Variants in RASSF6 observed in about 807,000 individuals in gnomAD.
RASSF6 encodes ras association domain-containing protein 6.
Under a neutral mutation model 44.0 loss-of-function variants are expected in RASSF6, and 52 were observed. The ratio of observed to expected loss-of-function variants is 1.18; its 90% CI spans 0.95 to 1.49. The LOEUF is 1.49. RASSF6 is among the 40% of genes most tolerant of loss of function. RASSF6 has a pLI of 0.00. For synonymous variants in RASSF6, 162 were observed against 124.6 expected, an observed-to-expected ratio of 1.30 and a Z score of -2.00; for missense variants, 464 against 393.3, an observed-to-expected ratio of 1.18 and a Z score of -1.52.
chr4:73,590,005 A>G (rs1724408956), intron 4 of RASSF6, among the ~76,000 whole-genome samples: 1 of 152,204 alleles, frequency 6.6e-6, no homozygotes, highest in Admixed American at 6.5e-5. Context: ...AAAATATGCA[A>G]AAGCTGAGTT....
intron 1 of RASSF6, 29 bp downstream of exon 1, chr4:73,620,259 A>T: frequency 7.3e-7 from 1 of 1,368,924 alleles, no homozygotes; most frequent in Non-Finnish European, 9.5e-7. Context: ...GTGGATTAGA[A>T]AGTTTTTTTC....
At chr4:73,606,786 G>A (rs1725670417) in intron 2 of RASSF6, among the ~76,000 whole-genome samples, 1 of 152,122 alleles carries the variant, frequency 6.6e-6, no homozygotes, top group South Asian at 2.1e-4. Context: ...TTGAGAATGA[G>A]TAACTTGACT....
At position 73,601,070 on chromosome 4, in the gene RASSF6, T is replaced by G. The variant is rs191225596; in HGVS notation, c.66-2352A>C. On this transcript the variant is annotated intron_variant, in intron 2 of 10. Transcript: ENST00000307439. ...GCAAATGGAGCCTTACATAATCTTATTCCCTCAGCTTCTGCTTCTGATAAA... is the reference window on the plus strand; with the variant it reads ...GCAAATGGAGCCTTACATAATCTTAGTCCCTCAGCTTCTGCTTCTGATAAA... Among the ~76,000 whole-genome samples, 708 of 152,324 alleles carry G rather than the reference T, an allele frequency of 4.6e-3. 1 individual carries two copies. Among genetic ancestry groups the G allele is most frequent in the Non-Finnish European group, 7.5e-3 (513 of 68,018 alleles).
At chr4:73,593,075 G>T (rs1403535508) in intron 4 of RASSF6, among the ~76,000 whole-genome samples, 2 of 150,612 alleles carry the variant, frequency 1.3e-5, no homozygotes, top group African/African-American at 4.9e-5. Context: ...GAGTGCAATG[G>T]CGCAATCTCG....
rs753839339 is a variant in RASSF6 at position 73,576,321 on chromosome 4, G to T, written c.939-11C>A. 3 of 1,518,362 alleles carry T rather than the reference G, an allele frequency of 2.0e-6. No individual in the cohort carries two copies. In the East Asian group the frequency reaches 6.8e-5, roughly 34 times the overall value. The allele number at this position is 1,518,362 out of a possible 1,614,324, so 94.1% of individuals were successfully genotyped here. On this transcript the variant is annotated splice_polypyrimidine_tract_variant and intron_variant, in intron 10 of 10. Coordinates refer to ENST00000307439, the MANE Select transcript of RASSF6 (RefSeq NM_177532.5). ...TTTTCTTTATTGAATCTGAAAATGA[G>T]AAGAAGAAAGACTATTAAAAATTGG... is the stretch of plus-strand genomic sequence containing the variant.
intron 5 of RASSF6, 29 bp from the exon 6 acceptor site, chr4:73,585,393 C>A: frequency 6.9e-7 from 1 of 1,451,156 alleles, no homozygotes; most frequent in South Asian, 1.5e-5. Context: ...AAGCTCATAT[C>A]ATTCAGCTGC....
chr4:73,602,802 G>A (rs778049526), intron 2 of RASSF6, among the ~76,000 whole-genome samples: 7 of 152,146 alleles, frequency 4.6e-5, no homozygotes, highest in Non-Finnish European at 7.4e-5. Flanking sequence ...ATAGACACAA[G>A]TTTCGGCCAG....
intron 4 of RASSF6, among the ~76,000 whole-genome samples, chr4:73,590,539 C>G (rs2149377382): frequency 6.6e-6 from 1 of 152,198 alleles, no homozygotes; most frequent in Admixed American, 6.5e-5. Context: ...AATGAGACAA[C>G]CAGAGGGAGG....
At chr4:73,604,884 C>CTTTTTT (rs35609056) in intron 2 of RASSF6, among the ~76,000 whole-genome samples, 25 of 138,324 alleles carry the variant, frequency 1.8e-4, no homozygotes, top group Non-Finnish European at 2.2e-4. Context: ...CATTTTCTTT[C>CTTTTTT]TTTTTTTTTT....
chr4:73,574,871 A>G lies in RASSF6; in HGVS notation c.*1364T>C, dbSNP rs563006161. On this transcript the variant is annotated 3_prime_UTR_variant, in exon 11 of 11. Transcript: ENST00000307439. Reference sequence around the variant, plus strand: ...GGCAGGTACATGACACTAGTTTTTTATAAGTATGTTGAATTTTAACTATTA... The same window carrying G: ...GGCAGGTACATGACACTAGTTTTTTGTAAGTATGTTGAATTTTAACTATTA... 4 of 151,992 alleles carry G rather than the reference A, an allele frequency of 2.6e-5. No homozygotes were observed. The East Asian group carries it at 5.8e-4, about 22-fold the overall frequency. 9.4% of individuals were successfully genotyped at this position (151,992 alleles called of 1,614,324 possible). A position where few individuals can be genotyped will look rare whatever the true frequency, so the allele number is the denominator to read the frequency against.
At chr4:73,615,178 CAAAAAAAAAA>C (rs59463389) in intron 1 of RASSF6, among the ~76,000 whole-genome samples, 23 of 77,002 alleles carry the variant, frequency 3.0e-4, no homozygotes, top group Admixed American at 1.6e-3. Flanking sequence ...GACTCTGTCT[CAAAAAAAAAA>C]AAAAAAAAAG....
intron 2 of RASSF6, among the ~76,000 whole-genome samples, chr4:73,606,329 T>C (rs1242695473): frequency 6.6e-6 from 1 of 152,184 alleles, no homozygotes; most frequent in Non-Finnish European, 1.5e-5. Flanking sequence ...AAATCAAATA[T>C]TGTATATTCT....
intron 4 of RASSF6, among the ~76,000 whole-genome samples, chr4:73,588,958 T>C (rs1724319621): frequency 6.6e-6 from 1 of 152,140 alleles, no homozygotes; most frequent in South Asian, 2.1e-4. Context: ...GACTAAAATA[T>C]ATTCACTTAT....
At chr4:73,611,893 T>G (rs1254788891) in intron 1 of RASSF6, 64 bp from the exon 2 acceptor site, 12 of 1,157,686 alleles carry the variant, frequency 1.0e-5, no homozygotes, top group Non-Finnish European at 1.4e-5. Context: ...GTTTCTGATT[T>G]AAGTTGAGTG....
rs1441584284 is a variant in RASSF6 at position 73,571,666 on chromosome 4, T to G, written c.*4569A>C. ...CAGATAATTCCTTCACTCATTCATT[T>G]ATTCTTTCATTCACTTATTTATTCA... On this transcript the variant is annotated 3_prime_UTR_variant, in exon 11 of 11. Transcript: ENST00000307439. 6.6e-6 allele frequency: 1 copy of G among 152,120 alleles called. No homozygotes were observed. The highest frequency in any genetic ancestry group is 1.5e-5 in the Non-Finnish European group (1 of 68,002). 9.4% of individuals were successfully genotyped at this position (152,120 alleles called of 1,614,324 possible). A position where few individuals can be genotyped will look rare whatever the true frequency, so the allele number is the denominator to read the frequency against.
At chr4:73,599,161 C>T (rs913092413) in intron 2 of RASSF6, among the ~76,000 whole-genome samples, 57 of 152,186 alleles carry the variant, frequency 3.7e-4, no homozygotes, top group Non-Finnish European at 7.5e-4. Flanking sequence ...TCTGTGTTCC[C>T]TTGTGTAAGT....
chr4:73,616,518 A>G (rs932291171), intron 1 of RASSF6, among the ~76,000 whole-genome samples: 4 of 152,224 alleles, frequency 2.6e-5, no homozygotes, highest in African/African-American at 9.7e-5. Flanking sequence ...AAAATATTGA[A>G]TACATCCAAC....
In RASSF6 at chr4:73,593,565, C is replaced by T. The variant is rs1455361779; in HGVS notation, c.173G>A (p.Gly58Glu). ...TACTCCCCAGAAAATGTCCAGCATT[C>T]CTTCAACAATTAGTTTGCCATCTTC... is the stretch of plus-strand genomic sequence containing the variant. Reference protein sequence around the residue: ...ETEDGKLIVEGMLDIFWGVKR... With the variant: ...ETEDGKLIVEEMLDIFWGVKR... Residue 58 changes from glycine (G) to glutamate (E), a missense_variant, in exon 4 of 11, where the codon GGA becomes GAA. By Grantham distance (98) the Gly-to-Glu change is moderately conservative (BLOSUM62 -2). Transcript: ENST00000307439. The T allele has an allele frequency of 1.2e-5, 19 of 1,613,232 alleles. No homozygotes were observed. The South Asian group carries it at 1.4e-4, about 12-fold the overall frequency.
intron 4 of RASSF6, among the ~76,000 whole-genome samples, chr4:73,592,666 G>T (rs1411868294): frequency 3.3e-5 from 5 of 152,196 alleles, no homozygotes; most frequent in African/African-American, 1.2e-4. Flanking sequence ...ATTTCAGGGT[G>T]CTCTGTTGAA....
Sources: gnomAD v4.1 joint callset for allele counts (sites outside exome capture counted in the v4.1 genomes callset) on GRCh38, gnomAD v4.1.1 for gene constraint, MANE v1.5 for transcripts, NCBI Gene and HGNC (gene_info 2026-07-23, HGNC 2026-07-21) for gene names.